The following LSP1 variants were observed in gnomAD, a reference collection of about 807,000 sequenced individuals.
The protein encoded by LSP1 is lymphocyte specific protein 1, also known as lymphocyte-specific protein 1.
In LSP1, 32 loss-of-function variants were observed where a neutral mutation model predicts 49.3. The ratio of observed to expected loss-of-function variants is 0.65; its 90% confidence interval spans 0.49 to 0.87. The LOEUF (loss-of-function observed/expected upper bound fraction) is 0.87, where lower values mean the gene tolerates loss of function less well. Ranked by LOEUF, LSP1 falls within the 40% of genes least tolerant of loss-of-function variation. The pLI is 0.00. For synonymous variants in LSP1, 179 were observed against 178.8 expected, an observed-to-expected ratio of 1.00 and a Z score of -0.01; for missense variants, 428 against 442.6, an observed-to-expected ratio of 0.97 and a Z score of 0.30.
intron 3 of LSP1, among the ~76,000 whole-genome samples, chr11:1,883,065 C>A (rs1027883941): frequency 6.6e-6 from 1 of 152,302 alleles, no homozygotes; most frequent in African/African-American, 2.4e-5. Context: ...GCGGGGACCC[C>A]GTCAGACCAA....
rs746633914 is a variant in LSP1 at position 1,884,457 on chromosome 11, C to A, written c.636-43C>A. On this transcript the variant is annotated intron_variant, in intron 6 of 10. Transcript: ENST00000311604. The surrounding 1 kb of genome is among the most constrained non-coding windows in gnomAD (Gnocchi z 4.1). ...AGAGGCTTGGGCAGGTTGGGAGAAG[C>A]CTTGTGGGAGACATGGGGCCTGACA... is the stretch of plus-strand genomic sequence containing the variant. 1.2e-6 allele frequency: 2 copies of A among 1,604,316 alleles called. No homozygotes were observed. The highest frequency in any genetic ancestry group is 1.7e-5 in the Admixed American group (1 of 59,980).
intron 10 of LSP1, chr11:1,889,440 T>C: frequency 1.5e-6 from 1 of 652,858 alleles, no homozygotes; most frequent in Admixed American, 2.3e-5. Flanking sequence ...GGGCACCTCC[T>C]GCTCTGTGGG....
chr11:1,862,960 G>A (rs1847681979), intron 1 of LSP1, among the ~76,000 whole-genome samples: 1 of 152,182 alleles, frequency 6.6e-6, no homozygotes, highest in African/African-American at 2.4e-5. Context: ...CTGGGGATGT[G>A]GGGCCAACAC....
chr11:1,865,226 A>G, intron 1 of LSP1: 2 of 985,374 alleles, frequency 2.0e-6, no homozygotes, highest in Non-Finnish European at 2.4e-6. Flanking sequence ...GCTTCTGAGG[A>G]GGAACTCTAG....
At chr11:1,859,489 G>C (rs953280631) in intron 1 of LSP1, 1 of 154,574 alleles carries the variant, frequency 6.5e-6, no homozygotes, top group Admixed American at 6.5e-5. Context: ...TTGACAGTTT[G>C]GTTTCTGAGG....
chr11:1,862,883 G>A (rs754817943), intron 1 of LSP1, among the ~76,000 whole-genome samples: 3 of 152,096 alleles, frequency 2.0e-5, no homozygotes, highest in Non-Finnish European at 2.9e-5. Context: ...CCAACCTGAG[G>A]TCCAGCCCTG....
rs772024277 is a variant in LSP1, at chr11:1,853,149, C to T, written c.5C>T (p.Ala2Val). The T allele has an allele frequency of 1.7e-5, 27 of 1,610,524 alleles. No individual in the cohort carries two copies. The highest frequency in any genetic ancestry group is 8.9e-5 in the South Asian group (8 of 90,280). Residue 2 changes from alanine (A) to valine (V), a missense_variant, in exon 1 of 11, where the codon GCG becomes GTG. Ala to Val is a moderately conservative substitution (Grantham distance 64, BLOSUM62 0). Transcript: ENST00000311604. ...TGGGGCCCAGACTACAGGCTGATGG[C>T]GGAGGCTTCGAGTGACCCGGGTGCC... M[A>V]EASSDPGAEE... is the part of the protein sequence containing the mutation.
chr11:1,883,865 G>C (rs1848648478), intron 4 of LSP1, 67 bp from the exon 5 acceptor site: 2 of 1,404,360 alleles, frequency 1.4e-6, no homozygotes, highest in Non-Finnish European at 2.0e-6. Flanking sequence ...TGTTCCCACA[G>C]GTGCTGGGCA....
chr11:1,869,920 C>T (rs975232013), intron 1 of LSP1, among the ~76,000 whole-genome samples: 5 of 152,096 alleles, frequency 3.3e-5, no homozygotes, highest in Non-Finnish European at 5.9e-5. Flanking sequence ...TCTGTCCCTG[C>T]CTGGTCTTCC....
chr11:1,887,657 C>T (rs1848813947), intron 10 of LSP1, 81 bp downstream of exon 10: 1 of 1,118,938 alleles, frequency 8.9e-7, no homozygotes. Context: ...TGGAGGCTGC[C>T]TGGAGCCCTG....
rs764143258 is a variant in LSP1 at position 1,881,530 on chromosome 11, C to A, written c.290C>A (p.Ala97Glu). Residue 97 changes from alanine to glutamate, a missense_variant, in exon 3 of 11, where the codon GCG (alanine) becomes GAG (glutamate). By Grantham distance (107) the Ala-to-Glu change is moderately radical. Transcript: ENST00000311604. The stretch of plus-strand genomic sequence containing the variant: ...GAGCAGCGGCAGCAGCACGAGGGGG[C>A]GCAGGGCGCCTTGGACAGCGGAGAG... ...RPEQRQQHEG[A>E]QGALDSGEPP... 2.6e-6 allele frequency: 4 copies of A among 1,555,342 alleles called. No homozygotes were observed. The highest frequency in any genetic ancestry group is 3.5e-6 in the Non-Finnish European group (4 of 1,149,192).
At chr11:1,865,110 G>A in intron 1 of LSP1, 2 of 758,520 alleles carry the variant, frequency 2.6e-6, no homozygotes, top group Non-Finnish European at 3.2e-6. Context: ...GGGCAGCAGA[G>A]AGGAGGGCCA....
rs563323344 is a variant in LSP1, at chr11:1,879,728, C to T, written c.54-359C>T. Among the ~76,000 whole-genome samples the T allele has an allele frequency of 5.3e-4, 80 of 152,312 alleles. 1 individual carries two copies. Among genetic ancestry groups the T allele is most frequent in the Non-Finnish European group, 1.0e-3 (70 of 68,018 alleles). ...CACCTGGGTCTAGGTCCTGGTTCTA[C>T]TTAGGGAGGGAGGCAGGCTGGGAGA... On this transcript the variant is annotated intron_variant, in intron 1 of 10. Transcript: ENST00000311604.
At chr11:1,870,392 C>T in intron 1 of LSP1, 2 of 1,237,802 alleles carry the variant, frequency 1.6e-6, no homozygotes, top group Non-Finnish European at 2.1e-6. Context: ...GGGGCAGACT[C>T]TTTTCTGCTC....
chr11:1,877,574 C>T (rs539232486), intron 1 of LSP1, among the ~76,000 whole-genome samples: 6 of 152,280 alleles, frequency 3.9e-5, no homozygotes, highest in African/African-American at 9.6e-5. Context: ...GGGGCAATGG[C>T]AAGGCAAACA....
chr11:1,872,192 GGGCACC>G (rs1848054323), intron 1 of LSP1, among the ~76,000 whole-genome samples: 6 of 125,426 alleles, frequency 4.8e-5, no homozygotes, highest in Non-Finnish European at 3.3e-5. Context: ...CGGCTGGCGT[GGGCACC>G]TTTGGGACGG....
rs557846772 is a variant in LSP1, at chr11:1,856,910, G to A, written c.53+3713G>A. Among the ~76,000 whole-genome samples the A allele has an allele frequency of 6.6e-5, 10 of 152,352 alleles. No individual in the cohort carries two copies. The East Asian group carries it at 1.9e-3, about 29-fold the overall frequency. On this transcript the variant is annotated intron_variant, in intron 1 of 10. Coordinates refer to ENST00000311604, the MANE Select transcript of LSP1 (RefSeq NM_002339.3). ...AAGAGGGCAGAGCTGGGGACAGTTG[G>A]GGAAGCCACCTCAGCCCCAGCCCTA... is the stretch of plus-strand genomic sequence containing the variant.
chr11:1,864,671 A>G (rs1847729559), intron 1 of LSP1, among the ~76,000 whole-genome samples: 2 of 151,874 alleles, frequency 1.3e-5, no homozygotes, highest in African/African-American at 4.8e-5. Context: ...AAAGAGAAGC[A>G]GCTGCTGAGA....
intron 1 of LSP1, chr11:1,876,761 C>T (rs569314425): frequency 3.3e-4 from 177 of 540,554 alleles, no homozygotes; most frequent in African/African-American, 3.3e-3. Flanking sequence ...GCCAGCGTCC[C>T]GAGTCGGGGG....
Sources: allele counts gnomAD v4.1 joint callset (sites outside exome capture counted in the v4.1 genomes callset), GRCh38; gene constraint gnomAD v4.1.1; non-coding constraint Gnocchi (gnomAD v3.1); transcripts MANE v1.5; gene names NCBI Gene and HGNC (gene_info 2026-07-23, HGNC 2026-07-21).